The following RABGAP1L variants were observed in gnomAD, a reference collection of about 807,000 sequenced individuals.
RABGAP1L encodes the protein RAB GTPase activating protein 1 like.
RABGAP1L carries 63 observed loss-of-function variants against 137.7 expected under a neutral mutation model. The observed-to-expected ratio is 0.46, with a 90% CI of 0.37 to 0.56. RABGAP1L has a LOEUF of 0.56. Ranked by LOEUF, RABGAP1L falls within the 20% of genes least tolerant of loss-of-function variation. RABGAP1L has a pLI of 0.00. For synonymous variants in RABGAP1L, 431 were observed against 433.7 expected, an observed-to-expected ratio of 0.99 and a Z score of 0.08; for missense variants, 1,095 against 1,244.0, an observed-to-expected ratio of 0.88 and a Z score of 1.80.
intron 18 of RABGAP1L, among the ~76,000 whole-genome samples, chr1:174,804,259 G>GTTTTTT (rs76148697): frequency 6.8e-6 from 1 of 146,440 alleles, no homozygotes; most frequent in Non-Finnish European, 1.5e-5. Context: ...TTTTTTGTTT[G>GTTTTTT]TTTTGTTTTG....
intron 7 of RABGAP1L, among the ~76,000 whole-genome samples, chr1:174,255,537 T>A (rs1673050824): frequency 6.6e-6 from 1 of 152,208 alleles, no homozygotes; most frequent in Admixed American, 6.5e-5. Flanking sequence ...TTCTCTTTCT[T>A]TTTTTGAGAC....
At chr1:174,908,422 T>A (rs976837468) in intron 19 of RABGAP1L, among the ~76,000 whole-genome samples, 19 of 152,128 alleles carry the variant, frequency 1.2e-4, no homozygotes, top group Non-Finnish European at 2.5e-4. Flanking sequence ...CTGAACATAT[T>A]TTTTAAAAAA....
At chr1:174,369,989 C>T (rs1311906112) in intron 11 of RABGAP1L, among the ~76,000 whole-genome samples, 2 of 152,122 alleles carry the variant, frequency 1.3e-5, no homozygotes, top group African/African-American at 2.4e-5. Flanking sequence ...CCAAATAAAC[C>T]ATTACTTATT....
chr1:174,452,495 C>G (rs1384132894), intron 13 of RABGAP1L, among the ~76,000 whole-genome samples: 4 of 152,140 alleles, frequency 2.6e-5, no homozygotes, highest in African/African-American at 9.7e-5. Flanking sequence ...AGTCTGTGTG[C>G]CCAGCATAGC....
At chr1:174,939,589 G>A (rs911976536) in intron 19 of RABGAP1L, among the ~76,000 whole-genome samples, 1 of 151,632 alleles carries the variant, frequency 6.6e-6, no homozygotes, top group Non-Finnish European at 1.5e-5. Flanking sequence ...TTTTGATTTA[G>A]GGAATGCTCC....
intron 7 of RABGAP1L, among the ~76,000 whole-genome samples, chr1:174,261,294 C>A (rs1204907116): frequency 2.0e-5 from 3 of 152,096 alleles, no homozygotes; most frequent in Admixed American, 6.6e-5. Context: ...GGGATACAAT[C>A]ATTATATATA....
chr1:174,872,377 C>T (rs1314668043), intron 19 of RABGAP1L, among the ~76,000 whole-genome samples: 2 of 152,060 alleles, frequency 1.3e-5, no homozygotes, highest in Admixed American at 6.5e-5. Flanking sequence ...TTCTGAAATA[C>T]AAATTCTGAA....
intron 13 of RABGAP1L, among the ~76,000 whole-genome samples, chr1:174,464,607 C>A (rs188308421): frequency 6.6e-6 from 1 of 152,022 alleles, no homozygotes; most frequent in Non-Finnish European, 1.5e-5. Context: ...TCTTATATTT[C>A]CACTTTATAG....
At chr1:174,609,518 A>T (rs1671027025) in intron 13 of RABGAP1L, among the ~76,000 whole-genome samples, 1 of 152,198 alleles carries the variant, frequency 6.6e-6, no homozygotes, top group Non-Finnish European at 1.5e-5. Context: ...GTAACCATAA[A>T]CTGTTTCTGT....
chr1:174,689,654 T>C (rs981770572), intron 15 of RABGAP1L, among the ~76,000 whole-genome samples: 1 of 152,178 alleles, frequency 6.6e-6, no homozygotes, highest in African/African-American at 2.4e-5. Context: ...AGGGACTGTC[T>C]TTTGCTATAG....
intron 11 of RABGAP1L, among the ~76,000 whole-genome samples, chr1:174,323,668 A>C (rs967870410): frequency 1.3e-5 from 2 of 152,256 alleles, no homozygotes; most frequent in African/African-American, 4.8e-5. Flanking sequence ...CAAATAAACT[A>C]GTATGTTATC....
At chr1:174,241,458 C>A in intron 4 of RABGAP1L, 25 bp from the exon 5 acceptor site, 1 of 1,400,056 alleles carries the variant, frequency 7.1e-7, no homozygotes, top group Non-Finnish European at 9.5e-7. Context: ...AATATTTTAT[C>A]TAACTTTTCA....
chr1:174,653,780 A>G (rs1265299062), intron 14 of RABGAP1L, among the ~76,000 whole-genome samples: 1 of 152,178 alleles, frequency 6.6e-6, no homozygotes, highest in Admixed American at 6.5e-5. Flanking sequence ...TGTTTTCTGC[A>G]TTGTGTTCAG....
At chr1:174,900,751 C>T (rs1330956759) in intron 19 of RABGAP1L, among the ~76,000 whole-genome samples, 1 of 152,140 alleles carries the variant, frequency 6.6e-6, no homozygotes, top group Non-Finnish European at 1.5e-5. Flanking sequence ...TACTCCTTGC[C>T]TCAAGTGATC....
chr1:174,437,301 A>T (rs1340599101), intron 13 of RABGAP1L, among the ~76,000 whole-genome samples: 2 of 149,182 alleles, frequency 1.3e-5, no homozygotes. Flanking sequence ...AACCAATGGC[A>T]AAGAAGTTAA....
chr1:174,193,563 A>G (rs1428076936), intron 1 of RABGAP1L, among the ~76,000 whole-genome samples: 1 of 152,152 alleles, frequency 6.6e-6, no homozygotes, highest in African/African-American at 2.4e-5. Context: ...CTGTCTCCTT[A>G]AACTAATATT....
At chr1:174,531,133 A>G (rs1397683069) in intron 13 of RABGAP1L, among the ~76,000 whole-genome samples, 1 of 152,218 alleles carries the variant, frequency 6.6e-6, no homozygotes, top group East Asian at 1.9e-4. Context: ...ATTTATGTGA[A>G]GTATAAGAAT....
chr1:174,448,905 T>C lies in RABGAP1L; in HGVS notation c.1710+54760T>C. 3 of 1,613,756 alleles carry C rather than the reference T, an allele frequency of 1.9e-6. No homozygotes were observed. The highest frequency in any genetic ancestry group is 2.5e-6 in the Non-Finnish European group (3 of 1,179,618). On this transcript the variant is annotated intron_variant, in intron 13 of 25. Coordinates refer to ENST00000681986, the MANE Select transcript of RABGAP1L (RefSeq NM_001366446.1). This position sits in a 1 kb window ranked among gnomAD's most constrained non-coding sequence, Gnocchi z 4.2. ...CACAGCCCTGACCGTCGCTACGCCA[T>C]GGTTTTGTTTAGGATAACCAGTGTA...
chr1:174,208,140 G>T (rs1459465327), intron 1 of RABGAP1L, among the ~76,000 whole-genome samples: 3 of 152,010 alleles, frequency 2.0e-5, no homozygotes, highest in African/African-American at 7.2e-5. Context: ...CCTTGCTATT[G>T]TAAATGATAC....
Sources: gnomAD v4.1 joint callset for allele counts (sites outside exome capture counted in the v4.1 genomes callset) on GRCh38, gnomAD v4.1.1 for gene constraint, Gnocchi (gnomAD v3.1) non-coding constraint, MANE v1.5 for transcripts, NCBI Gene and HGNC (gene_info 2026-07-23, HGNC 2026-07-21) for gene names.